The following MFHAS1 variants were observed in gnomAD, a reference collection of about 807,000 sequenced individuals.
MFHAS1 encodes the protein multifunctional ROCO family signaling regulator 1, also known as malignant fibrous histiocytoma-amplified sequence 1.
A neutral mutation model predicts 70.4 loss-of-function variants in MFHAS1; 50 were observed. That is an observed-to-expected ratio of 0.71 (90% CI 0.57 to 0.90). The LOEUF is 0.90. MFHAS1 is among the 40% of genes least tolerant of loss of function. The pLI is 0.00. For missense variants in MFHAS1, 1,795 were observed against 1,347.6 expected, an observed-to-expected ratio of 1.33 and a Z score of -5.20; for synonymous variants, 952 against 620.0, an observed-to-expected ratio of 1.54 and a Z score of -7.96.
chr8:8,846,177 T>A (rs1405039283), intron 1 of MFHAS1, among the ~76,000 whole-genome samples: 1 of 139,596 alleles, frequency 7.2e-6, no homozygotes, highest in African/African-American at 2.7e-5. Flanking sequence ...CGCTCGAACC[T>A]GGGAGGTGGA....
chr8:8,803,638 T>C (rs768259051), intron 1 of MFHAS1, among the ~76,000 whole-genome samples: 1 of 152,054 alleles, frequency 6.6e-6, no homozygotes, highest in Non-Finnish European at 1.5e-5. Context: ...ATAACATTTG[T>C]ATTGTATTAG....
chr8:8,847,615 C>G (rs1365513654), intron 1 of MFHAS1, among the ~76,000 whole-genome samples: 1 of 152,074 alleles, frequency 6.6e-6, no homozygotes, highest in South Asian at 2.1e-4. Flanking sequence ...TAAAAAGAGC[C>G]CTATGCTTAG....
intron 1 of MFHAS1, among the ~76,000 whole-genome samples, chr8:8,884,627 A>C (rs1809679958): frequency 6.6e-6 from 1 of 152,212 alleles, no homozygotes; most frequent in Non-Finnish European, 1.5e-5. Context: ...TCATTACAAT[A>C]CTACCTGGGA....
At chr8:8,887,167 G>A (rs902291974) in intron 1 of MFHAS1, among the ~76,000 whole-genome samples, 2 of 152,036 alleles carry the variant, frequency 1.3e-5, no homozygotes, top group African/African-American at 2.4e-5. Flanking sequence ...AAAGGCAAAG[G>A]CTGCCAATAG....
intron 1 of MFHAS1, among the ~76,000 whole-genome samples, chr8:8,855,511 C>T (rs894518938): frequency 6.6e-6 from 1 of 152,220 alleles, no homozygotes; most frequent in Non-Finnish European, 1.5e-5. Flanking sequence ...AGAATTTATT[C>T]TATCATTCTA....
At chr8:8,812,440 T>C (rs1017893870) in intron 1 of MFHAS1, among the ~76,000 whole-genome samples, 1 of 152,174 alleles carries the variant, frequency 6.6e-6, no homozygotes, top group African/African-American at 2.4e-5. Context: ...GGGTCGGCTA[T>C]CTAGGCCACC....
intron 2 of MFHAS1, among the ~76,000 whole-genome samples, chr8:8,794,140 A>C (rs1805812744): frequency 6.6e-6 from 1 of 152,048 alleles, no homozygotes; most frequent in Admixed American, 6.6e-5. Flanking sequence ...CAATGAGCTG[A>C]GATCGCACCA....
chr8:8,888,901 G>A (rs1191663831), intron 1 of MFHAS1, among the ~76,000 whole-genome samples: 6 of 152,096 alleles, frequency 3.9e-5, no homozygotes, highest in South Asian at 4.1e-4. Context: ...CAAATGTACT[G>A]CTCTGGTGGG....
Position 8,843,609 on chromosome 8 carries a change from A to C in MFHAS1, c.2999-46118T>G, listed in dbSNP as rs549858907. On this transcript the variant is annotated intron_variant, in intron 1 of 2. Coordinates refer to ENST00000276282, the MANE Select transcript of MFHAS1 (RefSeq NM_004225.3). The stretch of plus-strand genomic sequence containing the variant: ...AATAAATAAACACATAAATAAAAAG[A>C]AAGTGAGAGAGAAAGCAGGGAGCGG... Among the ~76,000 whole-genome samples the C allele has an allele frequency of 1.9e-3, 283 of 152,314 alleles. 1 individual carries two copies. Among genetic ancestry groups the C allele is most frequent in the African/African-American group, 6.3e-3 (261 of 41,568 alleles).
At position 8,870,290 on chromosome 8, in the gene MFHAS1, C is replaced by CA. The variant is rs61229252; in HGVS notation, c.2998+19770dup. ...GCAACATAGTGAGACCCTGTCTCTA[C>CA]AAAAAAAAAAAAAAAAAAAAAAAAA... On this transcript the variant is annotated intron_variant, in intron 1 of 2. Transcript: ENST00000276282. Among the ~76,000 whole-genome samples the CA allele has an allele frequency of 7.8e-3, 881 of 112,944 alleles. 8 individuals carry two copies. Among genetic ancestry groups the CA allele is most frequent in the African/African-American group, 0.014 (386 of 27,524 alleles). The allele number at this position is 112,944 out of a possible 152,430, so 74.1% of individuals were successfully genotyped here. A position where few individuals can be genotyped will look rare whatever the true frequency, so the allele number is the denominator to read the frequency against.
chr8:8,856,164 G>A (rs1808431179), intron 1 of MFHAS1, among the ~76,000 whole-genome samples: 1 of 152,196 alleles, frequency 6.6e-6, no homozygotes, highest in Non-Finnish European at 1.5e-5. Context: ...AAGATCTGGG[G>A]CCCTTATTTG....
In MFHAS1 at chr8:8,890,602, C is replaced by T; in HGVS notation, c.2457G>A (p.Leu819=). The change falls in exon 1 of 3, where the codon CTG becomes CTA. Residue 819 remains leucine (L), a synonymous_variant. Transcript: ENST00000276282. The part of the protein sequence containing the change: ...PHVQAQQDLQ[L]LLELLEKMGL... ...CCATCTTCTCCAGCAGCTCCAGCAA[C>T]AGCTGCAAGTCCTGCTGGGCCTGGA... 6.2e-7 allele frequency: 1 copy of T among 1,613,926 alleles called. No homozygotes were observed. Among genetic ancestry groups the T allele is most frequent in the Non-Finnish European group, 8.5e-7 (1 of 1,180,044 alleles).
chr8:8,822,516 A>AGGGATCACGTCAGG (rs1806998668), intron 1 of MFHAS1, among the ~76,000 whole-genome samples: 1 of 146,526 alleles, frequency 6.8e-6, no homozygotes, highest in African/African-American at 2.6e-5. Context: ...AGATGGGGAC[A>AGGGATCACGTCAGG]GGGATCACGT....
At chr8:8,870,761 T>C (rs1193388389) in intron 1 of MFHAS1, among the ~76,000 whole-genome samples, 1 of 152,218 alleles carries the variant, frequency 6.6e-6, no homozygotes, top group Non-Finnish European at 1.5e-5. Context: ...CTGTCCACAC[T>C]GCTTCCCTGG....
chr8:8,807,344 A>G (rs983562696), intron 1 of MFHAS1, among the ~76,000 whole-genome samples: 19 of 152,014 alleles, frequency 1.2e-4, no homozygotes, highest in African/African-American at 4.1e-4. Context: ...GCCCATTCAG[A>G]TTCCAAAGAG....
At chr8:8,829,335 C>A (rs3789850) in intron 1 of MFHAS1, among the ~76,000 whole-genome samples, 49,529 of 152,010 alleles carry the variant, frequency 0.33, 8,496 homozygotes, top group South Asian at 0.4. Context: ...TCTTCACTGC[C>A]TTTCTCACAC....
At chr8:8,830,959 G>A (rs1364423705) in intron 1 of MFHAS1, among the ~76,000 whole-genome samples, 2 of 152,124 alleles carry the variant, frequency 1.3e-5, no homozygotes, top group South Asian at 2.1e-4. Flanking sequence ...AGTCTGCTCA[G>A]GTTGCTATAC....
rs1382326869 is a variant in MFHAS1, at chr8:8,789,146, G to A, written c.3126-3091C>T. Reference sequence around the variant, plus strand: ...GGGGGAAGTGGTGGCTGGGGGGGTTGGGCCCTAGAGGGAAGCCCGAGGCTG... The same window carrying A: ...GGGGGAAGTGGTGGCTGGGGGGGTTAGGCCCTAGAGGGAAGCCCGAGGCTG... On this transcript the variant is annotated intron_variant, in intron 2 of 2. Coordinates refer to ENST00000276282, the MANE Select transcript of MFHAS1 (RefSeq NM_004225.3). Among the ~76,000 whole-genome samples the A allele has an allele frequency of 3.3e-5, 5 of 152,130 alleles. 1 individual carries two copies. The highest frequency in any genetic ancestry group is 2.0e-4 in the Admixed American group (3 of 15,278).
At chr8:8,874,343 C>T (rs1809206728) in intron 1 of MFHAS1, among the ~76,000 whole-genome samples, 1 of 144,588 alleles carries the variant, frequency 6.9e-6, no homozygotes, top group Non-Finnish European at 1.5e-5. Flanking sequence ...CACACACACA[C>T]ACACACACAC....
Sources: gnomAD v4.1 joint callset for allele counts (sites outside exome capture counted in the v4.1 genomes callset) on GRCh38, gnomAD v4.1.1 for gene constraint, MANE v1.5 for transcripts, NCBI Gene and HGNC (gene_info 2026-07-23, HGNC 2026-07-21) for gene names.